Variants in ZCCHC24 observed in about 807,000 individuals in gnomAD.
ZCCHC24 encodes zinc finger CCHC domain-containing protein 24.
Under a neutral mutation model 26.2 loss-of-function variants are expected in ZCCHC24, and 10 were observed. The ratio of observed to expected loss-of-function variants is 0.38; its 90% CI spans 0.24 to 0.65. ZCCHC24 has a LOEUF of 0.65. Ranked by LOEUF, ZCCHC24 falls within the 30% of genes least tolerant of loss-of-function variation. The probability of loss-of-function intolerance (pLI) is 0.54; values close to 1 mark genes in which losing one functional copy is unlikely to be tolerated. For missense variants in ZCCHC24, 243 were observed against 329.1 expected (o/e 0.74, Z 2.03); for synonymous variants, 144 against 147.1 (o/e 0.98, Z 0.15).
At chr10:79,423,151 C>T (rs1184605610) in intron 2 of ZCCHC24, among the ~76,000 whole-genome samples, 1 of 152,054 alleles carries the variant, frequency 6.6e-6, no homozygotes, top group Non-Finnish European at 1.5e-5. Flanking sequence ...CAGTGGCCAC[C>T]CAATCGAAAG....
At chr10:79,430,582 G>C (rs1186294970) in intron 2 of ZCCHC24, among the ~76,000 whole-genome samples, 1 of 152,028 alleles carries the variant, frequency 6.6e-6, no homozygotes, top group East Asian at 1.9e-4. Flanking sequence ...TTAGCACTGT[G>C]CTGGAAGGTG....
chr10:79,436,751 C>G (rs1405070254), intron 1 of ZCCHC24, among the ~76,000 whole-genome samples: 3 of 152,228 alleles, frequency 2.0e-5, no homozygotes, highest in African/African-American at 7.2e-5. Flanking sequence ...TTTCCATGGG[C>G]CGAGTGGAGG....
chr10:79,386,855 C>A (rs555174000), intron 3 of ZCCHC24, among the ~76,000 whole-genome samples: 1 of 152,140 alleles, frequency 6.6e-6, no homozygotes, highest in Admixed American at 6.5e-5. Flanking sequence ...GAGGAGCCAG[C>A]ACCTGAAGTT....
chr10:79,402,821 C>T (rs181772029), intron 2 of ZCCHC24, among the ~76,000 whole-genome samples: 83 of 152,302 alleles, frequency 5.4e-4, no homozygotes, highest in Non-Finnish European at 1.1e-3. Context: ...ACTGAATGTG[C>T]GGCCTCTCCG....
At chr10:79,389,041 C>T (rs1264127387) in intron 3 of ZCCHC24, among the ~76,000 whole-genome samples, 1 of 152,206 alleles carries the variant, frequency 6.6e-6, no homozygotes, top group Non-Finnish European at 1.5e-5. Context: ...CAGCTTGTGA[C>T]CAGTGCCCAC....
At chr10:79,442,923 C>T (rs79747151) in intron 1 of ZCCHC24, among the ~76,000 whole-genome samples, 3,972 of 152,128 alleles carry the variant, frequency 0.026, 178 homozygotes, top group African/African-American at 0.092. Flanking sequence ...GAGAGCCTTC[C>T]GGAAGTCAGC....
intron 1 of ZCCHC24, among the ~76,000 whole-genome samples, chr10:79,441,458 T>C (rs529317578): frequency 1.0e-3 from 152 of 151,514 alleles, no homozygotes; most frequent in Non-Finnish European, 2.5e-4. Flanking sequence ...AAAGAGGAGG[T>C]TCATTGCTGC....
At chr10:79,426,247 C>CG (rs1564638886) in intron 2 of ZCCHC24, among the ~76,000 whole-genome samples, 1 of 152,194 alleles carries the variant, frequency 6.6e-6, no homozygotes, top group East Asian at 1.9e-4. Flanking sequence ...CCTCAGACCC[C>CG]GGGGGCTCCA....
At chr10:79,434,702 G>T (rs1316302032) in intron 1 of ZCCHC24, among the ~76,000 whole-genome samples, 1 of 152,102 alleles carries the variant, frequency 6.6e-6, no homozygotes, top group Non-Finnish European at 1.5e-5. Flanking sequence ...TGGAATCGAG[G>T]GCCCGAAATC....
At chr10:79,439,829 C>A (rs1769546596) in intron 1 of ZCCHC24, among the ~76,000 whole-genome samples, 1 of 151,498 alleles carries the variant, frequency 6.6e-6, no homozygotes, top group African/African-American at 2.4e-5. Context: ...TACCAGAGCA[C>A]CTACAACTCA....
intron 2 of ZCCHC24, 36 bp from the exon 3 acceptor site, chr10:79,394,476 C>A: frequency 6.2e-7 from 1 of 1,602,548 alleles, no homozygotes; most frequent in South Asian, 1.1e-5. Context: ...GGATTGGAGT[C>A]CAAAGGCCAA....
chr10:79,391,720 C>G (rs540031707), intron 3 of ZCCHC24, among the ~76,000 whole-genome samples: 1 of 151,958 alleles, frequency 6.6e-6, no homozygotes, highest in Non-Finnish European at 1.5e-5. Flanking sequence ...CCTCCGGGCC[C>G]CCGGTCTACT....
chr10:79,444,477 C>A (rs34613014), intron 1 of ZCCHC24, among the ~76,000 whole-genome samples: 11 of 152,056 alleles, frequency 7.2e-5, no homozygotes, highest in East Asian at 5.8e-4. Flanking sequence ...CCTCTCCCCC[C>A]CCCTTTCTAG....
chr10:79,393,633 GC>G (rs1856505925), intron 3 of ZCCHC24, among the ~76,000 whole-genome samples: 2 of 152,190 alleles, frequency 1.3e-5, no homozygotes, highest in Admixed American at 6.5e-5. Context: ...TCCCTCGAGT[GC>G]CCCCAGGGCT....
intron 3 of ZCCHC24, among the ~76,000 whole-genome samples, chr10:79,393,425 G>C (rs1226184195): frequency 6.6e-6 from 1 of 152,120 alleles, no homozygotes; most frequent in South Asian, 2.1e-4. Flanking sequence ...CTAGGCTCCT[G>C]TTCTTCCCCC....
chr10:79,407,882 C>T (rs1856740496), intron 2 of ZCCHC24, among the ~76,000 whole-genome samples: 1 of 152,100 alleles, frequency 6.6e-6, no homozygotes, highest in African/African-American at 2.4e-5. Flanking sequence ...AAAGCAAGAC[C>T]GGCGGTGGTG....
At chr10:79,428,531 C>T (rs537909045) in intron 2 of ZCCHC24, among the ~76,000 whole-genome samples, 5 of 150,650 alleles carry the variant, frequency 3.3e-5, no homozygotes, top group African/African-American at 4.9e-5. Context: ...GGTCATACAA[C>T]GATGTGAATG....
chr10:79,426,478 T>A (rs2132211167), intron 2 of ZCCHC24, among the ~76,000 whole-genome samples: 1 of 152,338 alleles, frequency 6.6e-6, no homozygotes, highest in South Asian at 2.1e-4. Context: ...TTCAACAGAC[T>A]TTAAGCAGGA....
At chr10:79,390,304 G>T (rs1269236663) in intron 3 of ZCCHC24, among the ~76,000 whole-genome samples, 1 of 152,232 alleles carries the variant, frequency 6.6e-6, no homozygotes, top group South Asian at 2.1e-4. Flanking sequence ...GGCTAAGTCT[G>T]TAGGCTAACT....
Sources: gnomAD v4.1 joint callset for allele counts (sites outside exome capture counted in the v4.1 genomes callset) on GRCh38, gnomAD v4.1.1 for gene constraint, MANE v1.5 for transcripts, NCBI Gene and HGNC (gene_info 2026-07-23, HGNC 2026-07-21) for gene names.